LDLRAD4: variants seen among roughly 807,000 people sequenced by gnomAD.
LDLRAD4 encodes low-density lipoprotein receptor class A domain-containing protein 4.
LDLRAD4 carries 5 observed loss-of-function variants against 17.0 expected under a neutral mutation model. The ratio of observed to expected loss-of-function variants is 0.29; its 90% confidence interval spans 0.15 to 0.62. The LOEUF (loss-of-function observed/expected upper bound fraction) is 0.62, where lower values mean the gene tolerates loss of function less well. Among genes scored for constraint, LDLRAD4 ranks in the 20% least tolerant of loss-of-function variants. LDLRAD4 has a pLI of 0.84. For missense variants in LDLRAD4, 340 were observed against 424.7 expected, an observed-to-expected ratio of 0.80 and a Z score of 1.75; for synonymous variants, 168 against 171.8, an observed-to-expected ratio of 0.98 and a Z score of 0.17.
intron 2 of LDLRAD4, among the ~76,000 whole-genome samples, chr18:13,388,087 G>A (rs1264145069): frequency 6.6e-6 from 1 of 152,234 alleles, no homozygotes; most frequent in East Asian, 1.9e-4. Flanking sequence ...AGCGAGGGTA[G>A]GGGAAGTGTG....
intron 2 of LDLRAD4, among the ~76,000 whole-genome samples, chr18:13,424,956 G>A (rs548612800): frequency 2.0e-5 from 3 of 152,354 alleles, no homozygotes; most frequent in South Asian, 2.1e-4. Flanking sequence ...ATTTGAGGTC[G>A]AGGAGTGACA....
intron 1 of LDLRAD4, among the ~76,000 whole-genome samples, chr18:13,335,369 T>C (rs1432046422): frequency 6.6e-6 from 1 of 152,188 alleles, no homozygotes; most frequent in Non-Finnish European, 1.5e-5. Context: ...TGTATATTAC[T>C]TTTTTCATCA....
At chr18:13,500,942 C>T (rs2093603768) in intron 3 of LDLRAD4, 1 of 152,198 alleles carries the variant, frequency 6.6e-6, no homozygotes, top group Non-Finnish European at 1.5e-5. Context: ...AATATTATAA[C>T]TAGGAAGGTC....
intron 3 of LDLRAD4, chr18:13,520,874 A>G (rs2093943384): frequency 6.6e-6 from 1 of 151,430 alleles, no homozygotes; most frequent in African/African-American, 2.4e-5. Flanking sequence ...CCTCACATTC[A>G]CTTGAGATTA....
chr18:13,604,987 A>G (rs558603800), intron 3 of LDLRAD4, among the ~76,000 whole-genome samples: 1 of 152,278 alleles, frequency 6.6e-6, no homozygotes, highest in Non-Finnish European at 1.5e-5. Flanking sequence ...GGCTCTCTCA[A>G]GGAACAGGAA....
chr18:13,408,155 C>T (rs1462050347), intron 2 of LDLRAD4, among the ~76,000 whole-genome samples: 1 of 152,116 alleles, frequency 6.6e-6, no homozygotes, highest in Non-Finnish European at 1.5e-5. Flanking sequence ...GAGAGGATCA[C>T]TTGAGGCTGG....
At chr18:13,433,624 A>AT (rs945078455) in intron 2 of LDLRAD4, among the ~76,000 whole-genome samples, 1 of 152,172 alleles carries the variant, frequency 6.6e-6, no homozygotes, top group Non-Finnish European at 1.5e-5. Context: ...AGCATTTATC[A>AT]TTGCATCCTG....
intron 1 of LDLRAD4, among the ~76,000 whole-genome samples, chr18:13,242,801 G>A (rs549331715): frequency 2.6e-5 from 4 of 152,334 alleles, no homozygotes; most frequent in Non-Finnish European, 5.9e-5. Context: ...TCTAATAAAG[G>A]TAATTTTGAA....
intron 4 of LDLRAD4, among the ~76,000 whole-genome samples, chr18:13,632,703 T>C (rs2041775660): frequency 1.3e-5 from 2 of 152,318 alleles, no homozygotes; most frequent in African/African-American, 2.4e-5. Context: ...ATGTTACAGC[T>C]CTTTTAGTCC....
intron 3 of LDLRAD4, among the ~76,000 whole-genome samples, chr18:13,618,080 C>G (rs2040249482): frequency 6.6e-6 from 1 of 152,208 alleles, no homozygotes; most frequent in African/African-American, 2.4e-5. Context: ...AAAAGCAAGC[C>G]ACCTGAACAG....
At chr18:13,273,329 CT>C (rs1212004779), upstream of LDLRAD4, among the ~76,000 whole-genome samples, 1 of 152,134 alleles carries the variant, frequency 6.6e-6, no homozygotes, top group Non-Finnish European at 1.5e-5. Flanking sequence ...GAGACAGGGT[CT>C]CACTTTGTTG....
intron 1 of LDLRAD4, among the ~76,000 whole-genome samples, chr18:13,370,090 C>T (rs756000282): frequency 6.6e-6 from 1 of 152,252 alleles, no homozygotes; most frequent in Non-Finnish European, 1.5e-5. Flanking sequence ...AGGTGGCCTG[C>T]CACACAGGGA....
In LDLRAD4 at chr18:13,621,046, G is replaced by T; in HGVS notation, c.182-71G>T. Reference sequence around the variant, plus strand: ...CCTTCAGGGCCTGATGGCTGGGGTGGTGACAGTGCCTGGAGAATGGGTGGG... The same window carrying T: ...CCTTCAGGGCCTGATGGCTGGGGTGTTGACAGTGCCTGGAGAATGGGTGGG... On this transcript the variant is annotated intron_variant, in intron 3 of 5. Transcript: ENST00000359446. The surrounding 1 kb of genome is among the most constrained non-coding windows in gnomAD (Gnocchi z 5.5). 1 of 1,609,020 alleles carries T rather than the reference G, an allele frequency of 6.2e-7. No homozygotes were observed. The highest frequency in any genetic ancestry group is 8.5e-7 in the Non-Finnish European group (1 of 1,176,598).
At chr18:13,580,179 G>A (rs1268347706) in intron 3 of LDLRAD4, among the ~76,000 whole-genome samples, 2 of 152,066 alleles carry the variant, frequency 1.3e-5, no homozygotes, top group Non-Finnish European at 2.9e-5. Flanking sequence ...CGTGCATACT[G>A]TGCACACTCC....
intron 3 of LDLRAD4, among the ~76,000 whole-genome samples, chr18:13,443,315 C>G (rs1163761140): frequency 6.6e-6 from 1 of 152,176 alleles, no homozygotes; most frequent in African/African-American, 2.4e-5. Flanking sequence ...CCCTCCTTCC[C>G]TTAAGGCAGC....
At chr18:13,468,838 C>T (rs1250038928) in intron 3 of LDLRAD4, among the ~76,000 whole-genome samples, 27 of 110,674 alleles carry the variant, frequency 2.4e-4, no homozygotes, top group South Asian at 2.1e-3. Context: ...CATCACACAC[C>T]GGGGCCTGTT....
At chr18:13,310,037 T>C (rs960667797) in intron 1 of LDLRAD4, among the ~76,000 whole-genome samples, 1 of 152,114 alleles carries the variant, frequency 6.6e-6, no homozygotes, top group Non-Finnish European at 1.5e-5. Flanking sequence ...TCCACTTCTT[T>C]CCTTTCAGAG....
At chr18:13,560,969 C>A (rs952598787) in intron 3 of LDLRAD4, among the ~76,000 whole-genome samples, 1 of 152,128 alleles carries the variant, frequency 6.6e-6, no homozygotes, top group Non-Finnish European at 1.5e-5. Flanking sequence ...AAACCAGGAG[C>A]CTCGTTCTGA....
chr18:13,572,300 C>T (rs371092047), intron 3 of LDLRAD4, among the ~76,000 whole-genome samples: 3 of 152,208 alleles, frequency 2.0e-5, no homozygotes, highest in East Asian at 3.8e-4. Context: ...GCTGCTGAGC[C>T]ACCCCTGGCC....
Sources: gnomAD v4.1 joint callset for allele counts (sites outside exome capture counted in the v4.1 genomes callset) on GRCh38, gnomAD v4.1.1 for gene constraint, Gnocchi (gnomAD v3.1) non-coding constraint, MANE v1.5 for transcripts, NCBI Gene and HGNC (gene_info 2026-07-23, HGNC 2026-07-21) for gene names.